The following HYDIN variants were observed in gnomAD, a reference collection of about 807,000 sequenced individuals.
HYDIN encodes the protein axonemal central pair apparatus protein HYDIN.
Under a neutral mutation model 403.9 loss-of-function variants are expected in HYDIN, and 132 were observed. The ratio of observed to expected loss-of-function variants is 0.33; its 90% CI spans 0.28 to 0.38. The LOEUF (loss-of-function observed/expected upper bound fraction) is 0.38, where lower values mean the gene tolerates loss of function less well. Among genes scored for constraint, HYDIN ranks in the 10% least tolerant of loss-of-function variants. The probability of loss-of-function intolerance (pLI) is 1.00; values close to 1 mark genes in which losing one functional copy is unlikely to be tolerated. For synonymous variants in HYDIN, 1,202 were observed against 1,891.7 expected (o/e 0.64, Z 9.46); for missense variants, 2,827 against 5,009.5 (o/e 0.56, Z 13.15).
intron 1 of HYDIN, among the ~76,000 whole-genome samples, chr16:71,209,929 A>T (rs1360021407): frequency 6.6e-6 from 1 of 152,252 alleles, no homozygotes; most frequent in Non-Finnish European, 1.5e-5. Flanking sequence ...ATGGGTAGAA[A>T]GAAGAAATAT....
chr16:70,869,743 A>G (rs2039987514), intron 65 of HYDIN, among the ~76,000 whole-genome samples: 1 of 150,304 alleles, frequency 6.7e-6, no homozygotes, highest in Non-Finnish European at 1.5e-5. Context: ...GCAACGTGAA[A>G]ATGAACAAAT....
chr16:71,113,782 T>TG (rs1259215799), intron 10 of HYDIN: 1 of 152,138 alleles, frequency 6.6e-6, no homozygotes, highest in Non-Finnish European at 1.5e-5. Context: ...TTTGTAGAGA[T>TG]GGGGTCTCAC....
chr16:70,940,714 T>A lies in HYDIN; in HGVS notation c.6853+922A>T, dbSNP rs372943086. On this transcript the variant is annotated intron_variant, in intron 43 of 85. Transcript: ENST00000393567. ...TCACTGCTCCAGATTTTTCTCAGGA[T>A]GAGACTATAAAGAAGCTGACTTTGA... Among the ~76,000 whole-genome samples, 680 of 152,198 alleles carry A rather than the reference T, an allele frequency of 4.5e-3. 1 individual carries two copies. The highest frequency in any genetic ancestry group is 0.012 in the African/African-American group (481 of 41,564).
chr16:71,042,298 C>A (rs1031970616), intron 18 of HYDIN, among the ~76,000 whole-genome samples: 1 of 152,236 alleles, frequency 6.6e-6, no homozygotes, highest in South Asian at 2.1e-4. Context: ...TACCTGTCAA[C>A]ACAGTCCACC....
At chr16:70,861,020 G>A in intron 69 of HYDIN, 119 bp from the exon 70 acceptor site, 2 of 707,552 alleles carry the variant, frequency 2.8e-6, no homozygotes, top group Non-Finnish European at 4.8e-6. Flanking sequence ...CAGAGGCTGG[G>A]TCTGTCTTGG....
intron 22 of HYDIN, among the ~76,000 whole-genome samples, chr16:71,019,616 C>CT (rs57619499): frequency 3.9e-4 from 59 of 149,398 alleles, no homozygotes; most frequent in Non-Finnish European, 1.0e-4. Flanking sequence ...ATTGACTTAA[C>CT]TTTTTTTTTT....
At chr16:71,172,923 C>A (rs2086525009) in intron 5 of HYDIN, among the ~76,000 whole-genome samples, 1 of 152,188 alleles carries the variant, frequency 6.6e-6, no homozygotes, top group Non-Finnish European at 1.5e-5. Flanking sequence ...AAATCTGGCT[C>A]TAGTCACTCA....
chr16:70,932,448 T>C (rs941184583), intron 45 of HYDIN, among the ~76,000 whole-genome samples: 4 of 151,936 alleles, frequency 2.6e-5, no homozygotes, highest in Non-Finnish European at 4.4e-5. Context: ...ACTCATTAAG[T>C]GATCAAAACA....
Position 70,862,214 on chromosome 16 carries a change from T to C in HYDIN, c.11611A>G (p.Thr3871Ala), listed in dbSNP as rs1283861651. ...KDQLSQGTMH[T>A]GSTLDSTMDH... ...ATGGTGCTGTCCAGGGTGCTGCCTG[T>C]ATGCATCGTGCCCTGACTAAGCTGA... is the stretch of plus-strand genomic sequence containing the variant. The change falls in exon 69 of 86, where the codon ACA (threonine) becomes GCA (alanine). Residue 3871 changes from threonine (T) to alanine (A), a missense_variant. By Grantham distance (58) the Thr-to-Ala change is moderately conservative. Transcript: ENST00000393567. The C allele has an allele frequency of 1.1e-5, 18 of 1,613,584 alleles. No individual in the cohort carries two copies. Among genetic ancestry groups the C allele is most frequent in the Non-Finnish European group, 1.5e-5 (18 of 1,180,008 alleles).
chr16:70,978,242 A>G (rs1348218599), intron 30 of HYDIN, among the ~76,000 whole-genome samples: 1 of 150,920 alleles, frequency 6.6e-6, no homozygotes, highest in Admixed American at 6.6e-5. Flanking sequence ...GCCCATATCC[A>G]ATCAATCCCT....
At chr16:70,939,350 T>C (rs1798390) in intron 43 of HYDIN, among the ~76,000 whole-genome samples, 168 of 139,562 alleles carry the variant, frequency 1.2e-3, no homozygotes, top group African/African-American at 4.7e-3. Flanking sequence ...CCAGAAAGTT[T>C]ATTTCTCCAT....
At chr16:71,134,810 C>A (rs1245633702) in intron 8 of HYDIN, among the ~76,000 whole-genome samples, 5 of 152,134 alleles carry the variant, frequency 3.3e-5, no homozygotes, top group African/African-American at 9.7e-5. Flanking sequence ...TGTTTGCTTT[C>A]TTATTATTAT....
At chr16:71,002,241 G>T (rs1015626314) in intron 23 of HYDIN, among the ~76,000 whole-genome samples, 10 of 152,274 alleles carry the variant, frequency 6.6e-5, no homozygotes, top group African/African-American at 2.4e-4. Flanking sequence ...TGTGCTTTTT[G>T]TATCTTGTTT....
rs1003273167 is a variant in HYDIN, at chr16:70,959,941, G to A, written c.5969-121C>T. On this transcript the variant is annotated intron_variant, in intron 38 of 85. Coordinates refer to ENST00000393567, the MANE Select transcript of HYDIN (RefSeq NM_001270974.2). ...TTTTTAAATGCTGTTTTTTTTAAAT[G>A]GCAAATATTGCAGCAGTCCCCACTT... 1.2e-4 allele frequency: 70 copies of A among 590,390 alleles called. No individual in the cohort carries two copies. In the African/African-American group the frequency reaches 1.2e-3, roughly 11 times the overall value. The allele number at this position is 590,390 out of a possible 1,614,324, so 36.6% of individuals were successfully genotyped here.
intron 73 of HYDIN, among the ~76,000 whole-genome samples, chr16:70,851,430 C>T (rs1291810855): frequency 2.0e-5 from 3 of 150,896 alleles, no homozygotes; most frequent in African/African-American, 7.5e-5. Flanking sequence ...TGAATAGACA[C>T]TTCTCAAAAG....
intron 12 of HYDIN, among the ~76,000 whole-genome samples, chr16:71,081,258 TATA>T (rs1423296839): frequency 9.9e-5 from 15 of 152,112 alleles, no homozygotes; most frequent in Admixed American, 8.5e-4. Context: ...CAGCTCTGAC[TATA>T]ATGTGATGAG....
At chr16:71,226,785 T>C (rs1432162083) in intron 1 of HYDIN, among the ~76,000 whole-genome samples, 1 of 152,200 alleles carries the variant, frequency 6.6e-6, no homozygotes, top group African/African-American at 2.4e-5. Context: ...GAACTGAAAC[T>C]CACCAGATCA....
chr16:71,017,350 C>CA (rs57153160), intron 23 of HYDIN, among the ~76,000 whole-genome samples: 61 of 108,628 alleles, frequency 5.6e-4, no homozygotes, highest in Non-Finnish European at 6.1e-4. Context: ...AACTCTGTCT[C>CA]AAAAAAAAAA....
At chr16:71,064,666 G>C in intron 16 of HYDIN, 39 bp downstream of exon 16, 1 of 1,566,482 alleles carries the variant, frequency 6.4e-7, no homozygotes, top group Non-Finnish European at 8.7e-7. Flanking sequence ...GAACTCAATG[G>C]AAGAATAATT....
Sources: gnomAD v4.1 joint callset for allele counts (sites outside exome capture counted in the v4.1 genomes callset) on GRCh38, gnomAD v4.1.1 for gene constraint, MANE v1.5 for transcripts, NCBI Gene and HGNC (gene_info 2026-07-23, HGNC 2026-07-21) for gene names.